CACNA1E: variants seen among roughly 807,000 people sequenced by gnomAD.
CACNA1E encodes voltage-dependent R-type calcium channel subunit alpha-1E.
CACNA1E carries 40 observed loss-of-function variants against 259.2 expected under a neutral mutation model. The ratio of observed to expected loss-of-function variants is 0.15; its 90% confidence interval spans 0.12 to 0.20. The LOEUF is 0.20. Among genes scored for constraint, CACNA1E ranks in the 10% least tolerant of loss-of-function variants. CACNA1E has a pLI of 1.00. For missense variants in CACNA1E, 1,874 were observed against 3,040.1 expected, an observed-to-expected ratio of 0.62 and a Z score of 9.02; for synonymous variants, 1,104 against 1,138.5, an observed-to-expected ratio of 0.97 and a Z score of 0.61.
intron 1 of CACNA1E, among the ~76,000 whole-genome samples, chr1:181,504,909 A>G (rs1665577149): frequency 6.6e-6 from 1 of 152,254 alleles, no homozygotes; most frequent in African/African-American, 2.4e-5. Context: ...GTCCTCATTA[A>G]TGGGCTCAGA....
At position 181,800,423 on chromosome 1, in the gene CACNA1E, C is replaced by T. The variant is rs997293187; in HGVS notation, c.*1589C>T. 3 of 152,434 alleles carry T rather than the reference C, an allele frequency of 2.0e-5. No homozygotes were observed. The highest frequency in any genetic ancestry group is 7.2e-5 in the African/African-American group (3 of 41,452). 9.4% of individuals were successfully genotyped at this position (152,434 alleles called of 1,614,324 possible). A position where few individuals can be genotyped will look rare whatever the true frequency, so the allele number is the denominator to read the frequency against. On this transcript the variant is annotated 3_prime_UTR_variant, in exon 48 of 48. Transcript: ENST00000367573. ...ACTGAGCAAGAGAGCCCTTTCTTGC[C>T]AAGCCAGTGCTCTTTTGGTATATGG...
At chr1:181,710,205 C>T (rs1653206224) in intron 7 of CACNA1E, among the ~76,000 whole-genome samples, 2 of 151,922 alleles carry the variant, frequency 1.3e-5, no homozygotes, top group African/African-American at 4.8e-5. Flanking sequence ...ACCCCACCCC[C>T]ACCACCTTCC....
At chr1:181,404,164 C>T (rs1657300720) in intron 1 of CACNA1E, among the ~76,000 whole-genome samples, 1 of 152,186 alleles carries the variant, frequency 6.6e-6, no homozygotes, top group Non-Finnish European at 1.5e-5. Flanking sequence ...TGGAGCCCAT[C>T]CCCCAAACTG....
At chr1:181,498,278 A>G (rs1358053923) in intron 1 of CACNA1E, among the ~76,000 whole-genome samples, 1 of 152,178 alleles carries the variant, frequency 6.6e-6, no homozygotes, top group Non-Finnish European at 1.5e-5. Context: ...ACTATAGAAG[A>G]GGCTTATAGT....
intron 7 of CACNA1E, among the ~76,000 whole-genome samples, chr1:181,674,451 T>A (rs1410585526): frequency 6.6e-6 from 1 of 150,886 alleles, no homozygotes; most frequent in Non-Finnish European, 1.5e-5. Flanking sequence ...AAAATACTCA[T>A]TGATCATGTC....
At chr1:181,346,439 G>A (rs1652599776) in intron 1 of CACNA1E, among the ~76,000 whole-genome samples, 1 of 152,202 alleles carries the variant, frequency 6.6e-6, no homozygotes, top group African/African-American at 2.4e-5. Context: ...CCAGTACAGT[G>A]GGCAGCCCCC....
At chr1:181,789,613 G>T (rs937602881) in intron 43 of CACNA1E, among the ~76,000 whole-genome samples, 1 of 152,134 alleles carries the variant, frequency 6.6e-6, no homozygotes, top group Non-Finnish European at 1.5e-5. Context: ...TTACCATACT[G>T]GTGGCAGTCA....
upstream of CACNA1E, among the ~76,000 whole-genome samples, chr1:181,482,807 C>G (rs561962050): frequency 6.3e-3 from 956 of 152,358 alleles, 4 homozygotes; most frequent in African/African-American, 0.02. Context: ...CCTCGCCCGC[C>G]GGTGCTCGCC....
In CACNA1E at chr1:181,758,150, C is replaced by A. The variant is rs374689629; in HGVS notation, c.4494+39C>A. 3 of 1,588,460 alleles carry A rather than the reference C, an allele frequency of 1.9e-6. No homozygotes were observed. The highest frequency in any genetic ancestry group is 1.1e-5 in the South Asian group (1 of 89,086). ...GGCACAAGAGCCGACTGAGCCCCAG[C>A]GATGGTTCCCTCCCAGGGCAAGTGG... is the stretch of plus-strand genomic sequence containing the variant. On this transcript the variant is annotated intron_variant, in intron 31 of 47. Transcript: ENST00000367573. This position sits in a 1 kb window ranked among gnomAD's most constrained non-coding sequence, Gnocchi z 4.2.
chr1:181,384,842 A>T (rs374162319), intron 1 of CACNA1E, among the ~76,000 whole-genome samples: 1 of 152,160 alleles, frequency 6.6e-6, no homozygotes, highest in Non-Finnish European at 1.5e-5. Flanking sequence ...ATACATATGT[A>T]ACTAACCTGC....
intron 7 of CACNA1E, among the ~76,000 whole-genome samples, chr1:181,707,047 C>T (rs1049677135): frequency 5.9e-5 from 9 of 152,164 alleles, no homozygotes; most frequent in Non-Finnish European, 1.2e-4. Context: ...TTTACTTGAC[C>T]TCATGAAGCC....
rs1414899908 is a variant in CACNA1E at position 181,776,971 on chromosome 1, C to A, written c.5267+743C>A. ...CGTATTGTCTCTGGCTGCTTACATACTACAAGGAAGAGGTGAGTGATTGTG... is the reference window on the plus strand; with the variant it reads ...CGTATTGTCTCTGGCTGCTTACATAATACAAGGAAGAGGTGAGTGATTGTG... On this transcript the variant is annotated intron_variant, in intron 38 of 47. Coordinates refer to ENST00000367573, the MANE Select transcript of CACNA1E (RefSeq NM_001205293.3). This position sits in a 1 kb window ranked among gnomAD's most constrained non-coding sequence, Gnocchi z 4.4. 6.6e-6 allele frequency among the ~76,000 whole-genome samples: 1 copy of A among 152,196 alleles called. No individual in the cohort carries two copies. The highest frequency in any genetic ancestry group is 1.5e-5 in the Non-Finnish European group (1 of 68,034).
chr1:181,536,408 CT>C (rs377451106), intron 3 of CACNA1E, among the ~76,000 whole-genome samples: 144 of 152,310 alleles, frequency 9.5e-4, no homozygotes, highest in Non-Finnish European at 1.7e-3. Flanking sequence ...GCCACTCAAT[CT>C]ACTTAATCAT....
chr1:181,384,366 C>A (rs1243090029), intron 1 of CACNA1E, among the ~76,000 whole-genome samples: 1 of 152,202 alleles, frequency 6.6e-6, no homozygotes, highest in Non-Finnish European at 1.5e-5. Flanking sequence ...TATCCAGTGT[C>A]ATTCTTAGAA....
At chr1:181,452,539 G>T (rs1266089086) in intron 2 of CACNA1E, among the ~76,000 whole-genome samples, 1 of 152,118 alleles carries the variant, frequency 6.6e-6, no homozygotes, top group East Asian at 1.9e-4. Flanking sequence ...AGGGAGCAGG[G>T]CTTCTGCTCC....
intron 2 of CACNA1E, among the ~76,000 whole-genome samples, chr1:181,424,489 G>C (rs1659007578): frequency 6.6e-6 from 1 of 152,248 alleles, no homozygotes; most frequent in Non-Finnish European, 1.5e-5. Flanking sequence ...AAACAAGGTG[G>C]TGCGCGAGCA....
At chr1:181,750,374 C>A in intron 25 of CACNA1E, 102 bp from the exon 26 acceptor site, 1 of 988,850 alleles carries the variant, frequency 1.0e-6, no homozygotes, top group Non-Finnish European at 1.6e-6. Context: ...TCTCTTTTCT[C>A]CCTGAAGTGT....
intron 3 of CACNA1E, among the ~76,000 whole-genome samples, chr1:181,535,600 T>TAG (rs769049584): frequency 8.5e-5 from 13 of 152,144 alleles, no homozygotes; most frequent in Non-Finnish European, 1.8e-4. Context: ...CATGCACATA[T>TAG]AGATGATTAC....
chr1:181,660,599 C>A (rs1255287455), intron 7 of CACNA1E, among the ~76,000 whole-genome samples: 1 of 152,300 alleles, frequency 6.6e-6, no homozygotes, highest in Admixed American at 6.5e-5. Flanking sequence ...CCTTGCATCT[C>A]CTGTTGGGTG....
Sources: allele counts gnomAD v4.1 joint callset (sites outside exome capture counted in the v4.1 genomes callset), GRCh38; gene constraint gnomAD v4.1.1; non-coding constraint Gnocchi (gnomAD v3.1); transcripts MANE v1.5; gene names NCBI Gene and HGNC (gene_info 2026-07-23, HGNC 2026-07-21).